The following SLC12A2 variants were observed in gnomAD, a reference collection of about 807,000 sequenced individuals.
The protein encoded by SLC12A2 is Na-K-2Cl cotransporter 1.
A neutral mutation model predicts 136.3 loss-of-function variants in SLC12A2; 67 were observed. That is an observed-to-expected ratio of 0.49 (90% confidence interval 0.40 to 0.60). The LOEUF (loss-of-function observed/expected upper bound fraction) is 0.60, where lower values mean the gene tolerates loss of function less well. Among genes scored for constraint, SLC12A2 ranks in the 20% least tolerant of loss-of-function variants. The pLI, the probability that SLC12A2 is intolerant of heterozygous loss-of-function variation, is 0.00. For missense variants in SLC12A2, 1,322 were observed against 1,534.7 expected, an observed-to-expected ratio of 0.86 and a Z score of 2.32; for synonymous variants, 619 against 562.9, an observed-to-expected ratio of 1.10 and a Z score of -1.41.
At chr5:128,154,428 A>AG (rs35259502) in intron 15 of SLC12A2, among the ~76,000 whole-genome samples, 3 of 151,962 alleles carry the variant, frequency 2.0e-5, no homozygotes, top group Non-Finnish European at 4.4e-5. Flanking sequence ...AAAAAAAAAA[A>AG]GTTATCCCAG....
intron 15 of SLC12A2, among the ~76,000 whole-genome samples, chr5:128,153,112 C>T (rs970129940): frequency 2.6e-5 from 4 of 152,026 alleles, no homozygotes; most frequent in South Asian, 2.1e-4. Flanking sequence ...TTTTGACATG[C>T]GTTATTTTGT....
intron 1 of SLC12A2, chr5:128,111,080 A>G: frequency 1.8e-6 from 1 of 553,676 alleles, no homozygotes; most frequent in Non-Finnish European, 3.4e-6. Flanking sequence ...AATTCCATGG[A>G]CAATATAAAA....
chr5:128,122,328 C>A (rs1415466139), intron 4 of SLC12A2, among the ~76,000 whole-genome samples: 1 of 152,140 alleles, frequency 6.6e-6, no homozygotes, highest in Admixed American at 6.5e-5. Context: ...GTGACAGACA[C>A]TGGGTTTTTA....
intron 4 of SLC12A2, among the ~76,000 whole-genome samples, chr5:128,122,987 CTA>C (rs1312268218): frequency 1.3e-5 from 2 of 152,042 alleles, no homozygotes; most frequent in African/African-American, 4.8e-5. Flanking sequence ...CAGTAAAACA[CTA>C]TTTGTATTCT....
chr5:128,132,770 A>G (rs775667581), intron 5 of SLC12A2, among the ~76,000 whole-genome samples: 46 of 152,300 alleles, frequency 3.0e-4, no homozygotes, highest in East Asian at 3.9e-4. Context: ...GGGCTATAAT[A>G]CCATGAGTAA....
At chr5:128,113,889 C>CT (rs34932855) in intron 2 of SLC12A2, among the ~76,000 whole-genome samples, 1 of 152,110 alleles carries the variant, frequency 6.6e-6, no homozygotes. Context: ...ATATGCACTA[C>CT]TTTTTTAAAG....
rs1160523372 is a variant in SLC12A2, at chr5:128,090,086, C to G, written c.756+5376C>G. Among the ~76,000 whole-genome samples the G allele has an allele frequency of 5.3e-5, 8 of 152,300 alleles. No individual in the cohort carries two copies. In the East Asian group the frequency reaches 1.5e-3, roughly 29 times the overall value. On this transcript the variant is annotated intron_variant, in intron 1 of 26. Coordinates refer to ENST00000262461, the MANE Select transcript of SLC12A2 (RefSeq NM_001046.3). ...AACCCATGCTACTTGCCATTGAAGT[C>G]AGGCTTACCCATAATACTAAATGCA...
intron 14 of SLC12A2, among the ~76,000 whole-genome samples, chr5:128,151,635 A>C (rs949242160): frequency 4.0e-5 from 6 of 151,862 alleles, no homozygotes; most frequent in African/African-American, 1.5e-4. Context: ...ATTCTCACTC[A>C]TAAATTAAAT....
At chr5:128,126,789 A>G (rs543049705) in intron 4 of SLC12A2, among the ~76,000 whole-genome samples, 2 of 151,634 alleles carry the variant, frequency 1.3e-5, no homozygotes, top group Admixed American at 6.6e-5. Context: ...ACTGTTAACT[A>G]TAAGGTTTTA....
At chr5:128,085,257 A>G (rs2126632398) in intron 1 of SLC12A2, among the ~76,000 whole-genome samples, 1 of 152,274 alleles carries the variant, frequency 6.6e-6, no homozygotes, top group East Asian at 1.9e-4. Flanking sequence ...ACAAAGGATC[A>G]TAGAGATCTT....
chr5:128,184,762 A>G, intron 25 of SLC12A2, 27 bp from the exon 26 acceptor site: 5 of 1,611,468 alleles, frequency 3.1e-6, no homozygotes, highest in Non-Finnish European at 4.2e-6. Context: ...CACATGGTCT[A>G]GGAATGACTG....
intron 1 of SLC12A2, among the ~76,000 whole-genome samples, chr5:128,104,074 A>G (rs926104564): frequency 2.0e-5 from 3 of 152,210 alleles, no homozygotes; most frequent in South Asian, 2.1e-4. Context: ...TGAAAAAGGC[A>G]TGGATGTACG....
intron 1 of SLC12A2, among the ~76,000 whole-genome samples, chr5:128,094,800 A>G (rs1760462337): frequency 6.6e-6 from 1 of 152,250 alleles, no homozygotes; most frequent in South Asian, 2.1e-4. Context: ...TGTACTTTCC[A>G]GTAACTCGTA....
In SLC12A2 at chr5:128,186,870, G is replaced by T; in HGVS notation, c.*239G>T. The T allele has an allele frequency of 2.7e-6, 1 of 370,798 alleles. No individual in the cohort carries two copies. Among genetic ancestry groups the T allele is most frequent in the Non-Finnish European group, 4.9e-6 (1 of 206,076 alleles). The allele number at this position is 370,798 out of a possible 1,614,324, so 23.0% of individuals were successfully genotyped here. On this transcript the variant is annotated 3_prime_UTR_variant, in exon 27 of 27. Transcript: ENST00000262461. ...TCTTCTCTGTTGAACTGAAGTTTGTGAGAGTAGTTTTCCTTTGCTACTTGA... is the reference window on the plus strand; with the variant it reads ...TCTTCTCTGTTGAACTGAAGTTTGTTAGAGTAGTTTTCCTTTGCTACTTGA...
intron 7 of SLC12A2, among the ~76,000 whole-genome samples, chr5:128,137,275 T>G (rs1262768224): frequency 3.9e-5 from 6 of 152,224 alleles, no homozygotes; most frequent in Non-Finnish European, 8.8e-5. Flanking sequence ...TTTTATCTTC[T>G]TTTATTTCCT....
intron 4 of SLC12A2, among the ~76,000 whole-genome samples, chr5:128,129,273 G>T (rs72794379): frequency 2.0e-5 from 3 of 151,884 alleles, no homozygotes; most frequent in Non-Finnish European, 2.9e-5. Context: ...TAAAACATAC[G>T]TTAGATAAAG....
chr5:128,111,501 C>A (rs1761142370), intron 1 of SLC12A2, among the ~76,000 whole-genome samples: 2 of 152,104 alleles, frequency 1.3e-5, no homozygotes, highest in South Asian at 4.1e-4. Flanking sequence ...CACGGTGGCT[C>A]ACACCTGTAA....
At chr5:128,125,974 G>T (rs749983501) in intron 4 of SLC12A2, among the ~76,000 whole-genome samples, 1 of 152,102 alleles carries the variant, frequency 6.6e-6, no homozygotes, top group African/African-American at 2.4e-5. Flanking sequence ...TGAAAAATCA[G>T]TTGTCTATCA....
At chr5:128,106,068 A>G (rs1445857329) in intron 1 of SLC12A2, among the ~76,000 whole-genome samples, 3 of 151,680 alleles carry the variant, frequency 2.0e-5, no homozygotes, top group Non-Finnish European at 1.5e-5. Flanking sequence ...TCTCTGTCCT[A>G]CCAGTCCCTG....
Sources: allele counts gnomAD v4.1 joint callset (sites outside exome capture counted in the v4.1 genomes callset), GRCh38; gene constraint gnomAD v4.1.1; transcripts MANE v1.5; gene names NCBI Gene and HGNC (gene_info 2026-07-23, HGNC 2026-07-21).